The following TMEM233 variants were observed in gnomAD, a reference collection of about 807,000 sequenced individuals.
TMEM233 encodes transmembrane protein 233, also known as dispanin subfamily B member 2.
TMEM233 carries 6 observed loss-of-function variants against 11.2 expected under a neutral mutation model. That is an observed-to-expected ratio of 0.54 (90% CI 0.29 to 1.06). TMEM233 has a LOEUF of 1.06. Ranked by LOEUF, TMEM233 falls within the 50% of genes least tolerant of loss-of-function variation. The pLI, the probability that TMEM233 is intolerant of heterozygous loss-of-function variation, is 0.08. For synonymous variants in TMEM233, 59 were observed against 55.8 expected, an observed-to-expected ratio of 1.06 and a Z score of -0.26; for missense variants, 127 against 144.7, an observed-to-expected ratio of 0.88 and a Z score of 0.63.
intron 1 of TMEM233, among the ~76,000 whole-genome samples, chr12:119,622,441 T>G (rs1263985536): frequency 6.6e-6 from 1 of 152,232 alleles, no homozygotes; most frequent in African/African-American, 2.4e-5. Context: ...TCTTCCTAGT[T>G]CTTCCACACC....
intron 1 of TMEM233, among the ~76,000 whole-genome samples, chr12:119,613,227 A>T (rs1326136772): frequency 6.6e-6 from 1 of 152,058 alleles, no homozygotes; most frequent in Non-Finnish European, 1.5e-5. Flanking sequence ...AAAAAAAAAA[A>T]AAAGGGCTAC....
intron 1 of TMEM233, among the ~76,000 whole-genome samples, chr12:119,611,937 T>C (rs1468048602): frequency 1.3e-5 from 2 of 152,166 alleles, no homozygotes; most frequent in African/African-American, 4.8e-5. Context: ...GAGATAGTGT[T>C]GGGCCACTTT....
intron 1 of TMEM233, among the ~76,000 whole-genome samples, chr12:119,596,561 G>T (rs1954052679): frequency 7.8e-6 from 1 of 128,684 alleles, no homozygotes; most frequent in African/African-American, 3.0e-5. Flanking sequence ...GCACAATCTC[G>T]GCTCACTGCA....
chr12:119,625,311 T>G (rs1954727813), intron 1 of TMEM233, among the ~76,000 whole-genome samples: 1 of 152,158 alleles, frequency 6.6e-6, no homozygotes, highest in Non-Finnish European at 1.5e-5. Context: ...GAAGAGGTTC[T>G]CAGTGAAATC....
chr12:119,594,011 G>A lies in TMEM233; in HGVS notation c.163G>A (p.Val55Met), dbSNP rs902749982. 1.6e-5 allele frequency: 25 copies of A among 1,551,558 alleles called. No homozygotes were observed. The highest frequency in any genetic ancestry group is 1.9e-5 in the Non-Finnish European group (22 of 1,146,966). The change falls in exon 1 of 3, where the codon GTG becomes ATG. Residue 55 changes from valine (V) to methionine (M), a missense_variant. By Grantham distance (21) the Val-to-Met change is conservative. Transcript: ENST00000426426. This position sits in a 1 kb window ranked among gnomAD's most constrained non-coding sequence, Gnocchi z 5.6. ...TTGCCCTGCGTACCCCATCAACATC[G>A]TGGCTTTGGTCTTTTCCATCATGGT... ...CFCPAYPINIVALVFSIMSLN... is the reference protein window; with the variant it reads ...CFCPAYPINIMALVFSIMSLN...
chr12:119,645,390 T>C (rs78033180), downstream of TMEM233, among the ~76,000 whole-genome samples: 1,983 of 145,266 alleles, frequency 0.014, 41 homozygotes, highest in African/African-American at 0.047. Flanking sequence ...TCTTAAAAAA[T>C]ACTCACGAAT....
intron 1 of TMEM233, among the ~76,000 whole-genome samples, chr12:119,621,775 A>T (rs1214523908): frequency 6.6e-6 from 1 of 152,246 alleles, no homozygotes; most frequent in African/African-American, 2.4e-5. Flanking sequence ...TCAAAGAAAG[A>T]CTTAAGGCCA....
At chr12:119,651,290 A>G in the TMEM233 span, among the ~76,000 whole-genome samples, 1 of 152,152 alleles carries the variant, frequency 6.6e-6, no homozygotes, top group Non-Finnish European at 1.5e-5. Context: ...TTGACCTCAA[A>G]CTGGTTTCTC....
rs896871953 is a variant in TMEM233 at position 119,641,315 on chromosome 12, A to G, written c.*610A>G. On this transcript the variant is annotated 3_prime_UTR_variant, in exon 3 of 3. Transcript: ENST00000426426. Reference sequence around the variant, plus strand: ...GGGGCTTTTCTGGCCTTTTGTCTTGATGCTTATATTTCCAAATAGGCCCCC... The same window carrying G: ...GGGGCTTTTCTGGCCTTTTGTCTTGGTGCTTATATTTCCAAATAGGCCCCC... The G allele has an allele frequency of 2.2e-4, 33 of 152,064 alleles. No individual in the cohort carries two copies. The highest frequency in any genetic ancestry group is 8.0e-4 in the African/African-American group (33 of 41,352). 9.4% of individuals were successfully genotyped at this position (152,064 alleles called of 1,614,324 possible).
At chr12:119,609,290 C>A (rs1954346474) in intron 1 of TMEM233, among the ~76,000 whole-genome samples, 1 of 152,076 alleles carries the variant, frequency 6.6e-6, no homozygotes, top group South Asian at 2.1e-4. Flanking sequence ...GGGTATCTGG[C>A]AGAAGAAATT....
At chr12:119,615,173 T>TAAAAAAAAAAAAAAAAAAACAAAAAAAAA (rs1954496717) in intron 1 of TMEM233, among the ~76,000 whole-genome samples, 1 of 56,184 alleles carries the variant, frequency 1.8e-5, no homozygotes, top group East Asian at 7.4e-4. Flanking sequence ...CGCTTTCTGC[T>TAAAAAAAAAAAAAAAAAAACAAAAAAAAA]AAAAAAAAAA....
chr12:119,644,776 G>A (rs1955129818), downstream of TMEM233, among the ~76,000 whole-genome samples: 1 of 152,166 alleles, frequency 6.6e-6, no homozygotes, highest in Admixed American at 6.5e-5. Context: ...ACCACACCCA[G>A]CCTCCTCATA....
intron 1 of TMEM233, among the ~76,000 whole-genome samples, chr12:119,629,267 A>G (rs897490213): frequency 2.0e-5 from 3 of 152,030 alleles, no homozygotes; most frequent in African/African-American, 7.2e-5. Flanking sequence ...AAAATTAGCC[A>G]GGCGTGGTGG....
chr12:119,630,856 T>A (rs1464647019), intron 2 of TMEM233, among the ~76,000 whole-genome samples: 1 of 152,216 alleles, frequency 6.6e-6, no homozygotes, highest in Non-Finnish European at 1.5e-5. Context: ...CCTACTTGCA[T>A]CAAACTAGCA....
the TMEM233 span, among the ~76,000 whole-genome samples, chr12:119,653,397 A>AAAG: frequency 6.6e-6 from 1 of 151,186 alleles, no homozygotes; most frequent in Admixed American, 6.6e-5. Flanking sequence ...ACCTCAAAAA[A>AAAG]AAAAAAAAAA....
chr12:119,598,146 C>G (rs1954085828), intron 1 of TMEM233, among the ~76,000 whole-genome samples: 1 of 152,192 alleles, frequency 6.6e-6, no homozygotes, highest in Non-Finnish European at 1.5e-5. Flanking sequence ...ATGTGCCAGG[C>G]TCTATTCCAG....
downstream of TMEM233, among the ~76,000 whole-genome samples, chr12:119,643,908 C>T (rs1955117707): frequency 6.6e-6 from 1 of 152,166 alleles, no homozygotes; most frequent in Non-Finnish European, 1.5e-5. Flanking sequence ...GCAGCTGGAT[C>T]CTGGTGCGCA....
chr12:119,605,579 C>A (rs1954263897), intron 1 of TMEM233, among the ~76,000 whole-genome samples: 1 of 151,966 alleles, frequency 6.6e-6, no homozygotes, highest in African/African-American at 2.4e-5. Flanking sequence ...TAGGCACGCA[C>A]CACCATGCCC....
chr12:119,632,635 A>G (rs1954907404), intron 2 of TMEM233, among the ~76,000 whole-genome samples: 1 of 152,176 alleles, frequency 6.6e-6, no homozygotes, highest in South Asian at 2.1e-4. Context: ...TGGTAATTTC[A>G]AAAGCACAGT....
Sources: gnomAD v4.1 joint callset for allele counts (sites outside exome capture counted in the v4.1 genomes callset) on GRCh38, gnomAD v4.1.1 for gene constraint, Gnocchi (gnomAD v3.1) non-coding constraint, MANE v1.5 for transcripts, NCBI Gene and HGNC (gene_info 2026-07-23, HGNC 2026-07-21) for gene names.